PCDH15: variants seen among roughly 807,000 people sequenced by gnomAD.
PCDH15 encodes the protein protocadherin-15.
Under a neutral mutation model 178.5 loss-of-function variants are expected in PCDH15, and 129 were observed. The observed-to-expected ratio is 0.72, with a 90% CI of 0.63 to 0.84. The LOEUF is 0.84. Ranked by LOEUF, PCDH15 falls within the 40% of genes least tolerant of loss-of-function variation. The pLI is 0.00. For synonymous variants in PCDH15, 800 were observed against 732.0 expected (o/e 1.09, Z -1.50); for missense variants, 2,230 against 2,099.9 (o/e 1.06, Z -1.21).
chr10:54,929,136 G>A (rs143547616), intron 2 of PCDH15, among the ~76,000 whole-genome samples: 70 of 152,250 alleles, frequency 4.6e-4, no homozygotes, highest in African/African-American at 1.5e-3. Flanking sequence ...GACCATGAGC[G>A]TTTGATTGTG....
At chr10:55,011,192 A>G (rs1170580691) in intron 2 of PCDH15, among the ~76,000 whole-genome samples, 2 of 152,074 alleles carry the variant, frequency 1.3e-5, no homozygotes, top group Non-Finnish European at 2.9e-5. Context: ...ACATATAACT[A>G]CACATACTGA....
At chr10:54,624,981 C>T (rs2093499226) in intron 2 of PCDH15, among the ~76,000 whole-genome samples, 1 of 152,096 alleles carries the variant, frequency 6.6e-6, no homozygotes, top group African/African-American at 2.4e-5. Context: ...GTACACAATA[C>T]ACGTAATGCA....
chr10:55,565,959 G>A (rs1842292908), intron 2 of PCDH15, among the ~76,000 whole-genome samples: 1 of 151,554 alleles, frequency 6.6e-6, no homozygotes, highest in Admixed American at 6.6e-5. Flanking sequence ...ATGCTGTCAT[G>A]AGGGAACATT....
chr10:54,416,505 T>G (rs2135731802), intron 3 of PCDH15, among the ~76,000 whole-genome samples: 1 of 152,290 alleles, frequency 6.6e-6, no homozygotes, highest in Admixed American at 6.5e-5. Context: ...TGTACCACAT[T>G]TTCATTAGCC....
intron 26 of PCDH15, among the ~76,000 whole-genome samples, chr10:53,888,736 C>T: frequency 9.1e-6 from 1 of 110,280 alleles, no homozygotes; most frequent in African/African-American, 3.1e-5. Context: ...TGATTCTAAA[C>T]CTTATTTGGT....
At chr10:55,368,426 A>G (rs574586958) in intron 2 of PCDH15, among the ~76,000 whole-genome samples, 1 of 152,240 alleles carries the variant, frequency 6.6e-6, no homozygotes, top group East Asian at 1.9e-4. Flanking sequence ...GAATTTTCTT[A>G]TAAATCACTT....
intron 2 of PCDH15, among the ~76,000 whole-genome samples, chr10:55,135,353 A>G (rs983133040): frequency 1.3e-5 from 2 of 151,936 alleles, no homozygotes; most frequent in Non-Finnish European, 2.9e-5. Flanking sequence ...TAAGAAAGTC[A>G]GGGCCTCCAT....
At position 54,631,885 on chromosome 10, in the gene PCDH15, G is replaced by A. The variant is rs79338447; in HGVS notation, c.91+32287C>T. ...GGTCTCATGAGAACTCACACACTTC[G>A]CGAGAACAGCATAGGGGAAACCGCC... On this transcript the variant is annotated intron_variant, in intron 2 of 37. Coordinates refer to ENST00000644397, the MANE Select transcript of PCDH15 (RefSeq NM_001384140.1). Among the ~76,000 whole-genome samples the A allele has an allele frequency of 4.2e-3, 632 of 152,046 alleles. 2 individuals are homozygous for A. The highest frequency in any genetic ancestry group is 0.015 in the African/African-American group (610 of 41,484).
chr10:54,031,741 C>T (rs1044598311), intron 18 of PCDH15, among the ~76,000 whole-genome samples: 2 of 152,002 alleles, frequency 1.3e-5, no homozygotes, highest in African/African-American at 2.4e-5. Flanking sequence ...ATATTCAGTT[C>T]TCATGTTAAT....
chr10:55,614,960 A>G (rs894504506), intron 2 of PCDH15, among the ~76,000 whole-genome samples: 2 of 152,160 alleles, frequency 1.3e-5, no homozygotes, highest in African/African-American at 2.4e-5. Flanking sequence ...TTTTCCTTTT[A>G]TAGGAAGCTC....
chr10:54,415,420 G>C (rs12768342), intron 3 of PCDH15, among the ~76,000 whole-genome samples: 72,463 of 151,584 alleles, frequency 0.48, 18,010 homozygotes, highest in Non-Finnish European at 0.53. Flanking sequence ...GTAATAAAAA[G>C]AGAGAAGTAC....
chr10:54,005,484 T>C (rs1404675174), intron 20 of PCDH15, among the ~76,000 whole-genome samples: 2 of 152,054 alleles, frequency 1.3e-5, no homozygotes, highest in Non-Finnish European at 2.9e-5. Context: ...AATCTGATTT[T>C]AAAATGGGCA....
chr10:54,299,842 A>G (rs1205803852), intron 8 of PCDH15, among the ~76,000 whole-genome samples: 1 of 152,234 alleles, frequency 6.6e-6, no homozygotes, highest in Admixed American at 6.5e-5. Context: ...TTACAGAATC[A>G]GGAAGGAGCT....
chr10:54,113,591 T>C (rs2095061918), intron 15 of PCDH15, among the ~76,000 whole-genome samples: 1 of 151,278 alleles, frequency 6.6e-6, no homozygotes, highest in African/African-American at 2.5e-5. Flanking sequence ...TAAATCTTGT[T>C]CTTTATACTG....
chr10:55,413,331 G>T (rs1383996698), intron 2 of PCDH15, among the ~76,000 whole-genome samples: 5 of 151,228 alleles, frequency 3.3e-5, no homozygotes, highest in Non-Finnish European at 7.4e-5. Flanking sequence ...TGGACTTTAT[G>T]CTGTAGAAAT....
In PCDH15 at chr10:54,475,925, G is replaced by A. The variant is rs771745242; in HGVS notation, c.157+51887C>T. 6.3e-4 allele frequency among the ~76,000 whole-genome samples: 95 copies of A among 149,910 alleles called. 1 individual carries two copies. Among genetic ancestry groups the A allele is most frequent in the Non-Finnish European group, 1.1e-3 (76 of 67,370 alleles). ...GAAAGTGTTAAAGCTTGTAGCATAG[G>A]TCCTGGAAGTGCCCTATAAATGTAA... is the stretch of plus-strand genomic sequence containing the variant. On this transcript the variant is annotated intron_variant, in intron 3 of 37. Coordinates refer to ENST00000644397, the MANE Select transcript of PCDH15 (RefSeq NM_001384140.1).
Position 55,567,624 on chromosome 10 carries a change from C to A in PCDH15, c.-156+60001G>T, listed in dbSNP as rs918511351. 5.6e-4 allele frequency among the ~76,000 whole-genome samples: 85 copies of A among 151,442 alleles called. 1 individual carries two copies. The highest frequency in any genetic ancestry group is 2.7e-4 in the Non-Finnish European group (18 of 67,846). On this transcript the variant is annotated intron_variant, in intron 2 of 5. Transcript: ENST00000613346. ...ACAAGCAACCTGATTCAAAAATGGT[C>A]AAAATACTTGAATAGACATTTATCC...
At chr10:54,519,327 C>A (rs2082586127) in intron 3 of PCDH15, among the ~76,000 whole-genome samples, 1 of 152,020 alleles carries the variant, frequency 6.6e-6, no homozygotes, top group Non-Finnish European at 1.5e-5. Flanking sequence ...TGTCTCAGCC[C>A]AAAATCTCCT....
chr10:54,442,414 C>CTATATA (rs71007859), intron 3 of PCDH15, among the ~76,000 whole-genome samples: 45 of 19,130 alleles, frequency 2.4e-3, no homozygotes, highest in Non-Finnish European at 2.7e-3. Flanking sequence ...GCCTTAAAGG[C>CTATATA]TATATATATA....
Sources: allele counts gnomAD v4.1 joint callset (sites outside exome capture counted in the v4.1 genomes callset), GRCh38; gene constraint gnomAD v4.1.1; transcripts MANE v1.5; gene names NCBI Gene and HGNC (gene_info 2026-07-23, HGNC 2026-07-21).